Variants in DGKB observed in about 807,000 individuals in gnomAD.
The protein encoded by DGKB is diacylglycerol kinase beta.
Under a neutral mutation model 114.3 loss-of-function variants are expected in DGKB, and 67 were observed. The ratio of observed to expected loss-of-function variants is 0.59; its 90% CI spans 0.48 to 0.72. DGKB has a LOEUF of 0.72. DGKB is among the 30% of genes least tolerant of loss of function. The pLI is 0.00. For synonymous variants in DGKB, 398 were observed against 323.1 expected, an observed-to-expected ratio of 1.23 and a Z score of -2.49; for missense variants, 907 against 975.2, an observed-to-expected ratio of 0.93 and a Z score of 0.93.
intron 23 of DGKB, among the ~76,000 whole-genome samples, chr7:14,261,852 A>G (rs1222941326): frequency 1.3e-5 from 2 of 152,156 alleles, no homozygotes; most frequent in Non-Finnish European, 2.9e-5. Context: ...TACATTCCAT[A>G]TTTTTCTTGG....
chr7:14,229,993 T>A (rs1255417560), intron 23 of DGKB, among the ~76,000 whole-genome samples: 1 of 152,006 alleles, frequency 6.6e-6, no homozygotes, highest in Non-Finnish European at 1.5e-5. Context: ...TGCTTTATAG[T>A]GAAAGATTTG....
intron 20 of DGKB, among the ~76,000 whole-genome samples, chr7:14,515,309 G>T (rs1359921841): frequency 2.0e-5 from 3 of 152,142 alleles, no homozygotes; most frequent in Non-Finnish European, 4.4e-5. Context: ...GGCAGATTCT[G>T]TGATTATTTG....
intron 21 of DGKB, among the ~76,000 whole-genome samples, chr7:14,365,576 C>A (rs1414965333): frequency 5.9e-5 from 9 of 151,918 alleles, no homozygotes; most frequent in African/African-American, 4.8e-5. Flanking sequence ...AATTATTAAT[C>A]ATTATATTTT....
chr7:14,745,702 T>A (rs1833185914), intron 4 of DGKB, among the ~76,000 whole-genome samples: 1 of 152,208 alleles, frequency 6.6e-6, no homozygotes, highest in Admixed American at 6.5e-5. Context: ...GGTGGCCTGG[T>A]ATTCAATTTG....
chr7:14,161,923 G>C (rs755153561), intron 25 of DGKB, among the ~76,000 whole-genome samples: 4 of 152,154 alleles, frequency 2.6e-5, no homozygotes, highest in African/African-American at 4.8e-5. Flanking sequence ...TGATATTCTA[G>C]TCAGTTCATT....
chr7:14,771,297 C>G (rs995678240), intron 2 of DGKB, among the ~76,000 whole-genome samples: 1 of 152,088 alleles, frequency 6.6e-6, no homozygotes, highest in Non-Finnish European at 1.5e-5. Flanking sequence ...TTCAGTTGGT[C>G]TGGTGATATT....
intron 21 of DGKB, among the ~76,000 whole-genome samples, chr7:14,385,812 C>T (rs1820248584): frequency 1.3e-5 from 2 of 152,160 alleles, no homozygotes; most frequent in African/African-American, 4.8e-5. Context: ...CTACTAACTA[C>T]CATACTTTTA....
At chr7:14,622,608 G>A (rs551123049) in intron 14 of DGKB, among the ~76,000 whole-genome samples, 1 of 152,208 alleles carries the variant, frequency 6.6e-6, no homozygotes, top group South Asian at 2.1e-4. Context: ...CAAACTGGAT[G>A]ACAACTCACC....
chr7:14,619,764 A>C (rs1414854982), intron 15 of DGKB, among the ~76,000 whole-genome samples: 1 of 151,708 alleles, frequency 6.6e-6, no homozygotes, highest in Non-Finnish European at 1.5e-5. Flanking sequence ...GAACATCAAC[A>C]TGATTTTGAA....
intron 5 of DGKB, among the ~76,000 whole-genome samples, chr7:14,731,668 G>C (rs1223601044): frequency 6.6e-6 from 1 of 152,056 alleles, no homozygotes. Flanking sequence ...TGACGGTTGA[G>C]GTTGTGAGCC....
intron 21 of DGKB, among the ~76,000 whole-genome samples, chr7:14,441,051 C>T (rs1018290508): frequency 2.6e-5 from 4 of 151,974 alleles, no homozygotes; most frequent in African/African-American, 9.7e-5. Context: ...GAGTCTTGCT[C>T]TGTCGCCCAG....
intron 21 of DGKB, among the ~76,000 whole-genome samples, chr7:14,354,041 T>C (rs1386300912): frequency 6.6e-6 from 1 of 152,216 alleles, no homozygotes; most frequent in Admixed American, 6.5e-5. Context: ...GAGTGGTAAG[T>C]TGACACTTTT....
At chr7:14,151,671 C>T (rs1278754779) in intron 25 of DGKB, among the ~76,000 whole-genome samples, 3 of 151,960 alleles carry the variant, frequency 2.0e-5, no homozygotes, top group African/African-American at 7.2e-5. Flanking sequence ...TTTCTACAGT[C>T]AAAGTACACA....
chr7:14,774,133 G>C (rs1167048048), intron 2 of DGKB, among the ~76,000 whole-genome samples: 1 of 152,042 alleles, frequency 6.6e-6, no homozygotes, highest in Non-Finnish European at 1.5e-5. Context: ...TGAATGACTG[G>C]GCAGAAAAGA....
rs970598751 is a variant in DGKB, at chr7:14,174,782, T to A, written c.2304+2057A>T. 3.9e-5 allele frequency among the ~76,000 whole-genome samples: 6 copies of A among 152,162 alleles called. No individual in the cohort carries two copies. The South Asian group carries it at 1.2e-3, about 32-fold the overall frequency. The stretch of plus-strand genomic sequence containing the variant: ...GCATCACCACCATCACTATCACCAT[T>A]ATCATCACTATCACCATCACCATCA... On this transcript the variant is annotated intron_variant, in intron 25 of 25. Transcript: ENST00000402815.
intron 23 of DGKB, among the ~76,000 whole-genome samples, chr7:14,313,981 C>G (rs1473868672): frequency 6.6e-6 from 1 of 152,178 alleles, no homozygotes; most frequent in South Asian, 2.1e-4. Flanking sequence ...ACCCCTGACC[C>G]CCGAGCAGTT....
intron 23 of DGKB, among the ~76,000 whole-genome samples, chr7:14,258,866 G>GTAAT (rs55667367): frequency 0.086 from 13,137 of 152,136 alleles, 578 homozygotes; most frequent in African/African-American, 0.12. Flanking sequence ...TCAAAAACAT[G>GTAAT]TAATTCTTCC....
chr7:14,433,961 A>G (rs1828867046), intron 21 of DGKB, among the ~76,000 whole-genome samples: 1 of 152,178 alleles, frequency 6.6e-6, no homozygotes, highest in South Asian at 2.1e-4. Flanking sequence ...TATTTTTACT[A>G]TGACTTGTCA....
intron 4 of DGKB, among the ~76,000 whole-genome samples, chr7:14,749,452 A>G (rs1007269012): frequency 5.9e-5 from 9 of 152,190 alleles, no homozygotes; most frequent in Non-Finnish European, 2.9e-5. Flanking sequence ...AAGACTCAGT[A>G]GAAAGACAAT....
Sources: gnomAD v4.1 joint callset for allele counts (sites outside exome capture counted in the v4.1 genomes callset) on GRCh38, gnomAD v4.1.1 for gene constraint, MANE v1.5 for transcripts, NCBI Gene and HGNC (gene_info 2026-07-23, HGNC 2026-07-21) for gene names.